Variants in SHISA6 observed in about 807,000 individuals in gnomAD.
The protein encoded by SHISA6 is protein shisa-6.
A neutral mutation model predicts 47.9 loss-of-function variants in SHISA6; 22 were observed. The observed-to-expected ratio is 0.46, with a 90% CI of 0.33 to 0.66. The LOEUF (loss-of-function observed/expected upper bound fraction) is 0.66, where lower values mean the gene tolerates loss of function less well. SHISA6 is among the 30% of genes least tolerant of loss of function. The probability of loss-of-function intolerance (pLI) is 0.02; values close to 1 mark genes in which losing one functional copy is unlikely to be tolerated. For synonymous variants in SHISA6, 388 were observed against 337.8 expected, an observed-to-expected ratio of 1.15 and a Z score of -1.63; for missense variants, 680 against 764.6, an observed-to-expected ratio of 0.89 and a Z score of 1.30.
At chr17:11,442,445 A>T (rs1014636897) in intron 3 of SHISA6, among the ~76,000 whole-genome samples, 3 of 152,138 alleles carry the variant, frequency 2.0e-5, no homozygotes, top group African/African-American at 7.2e-5. Context: ...CAGAGAAAGC[A>T]CTGTGCTATG....
intron 1 of SHISA6, among the ~76,000 whole-genome samples, chr17:11,255,684 G>A (rs1907979995): frequency 6.6e-6 from 1 of 152,092 alleles, no homozygotes; most frequent in Admixed American, 6.5e-5. Context: ...GGAAATATGG[G>A]GCGTGGATGG....
rs149271322 is a variant in SHISA6 at position 11,259,106 on chromosome 17, A to G, written c.639-4260A>G. On this transcript the variant is annotated intron_variant, in intron 1 of 5. Transcript: ENST00000441885. ...TTGGGGGAGATGGATATAATTTTGGATAGATAGGAGGTGACTGGATGGTTG... is the reference window on the plus strand; with the variant it reads ...TTGGGGGAGATGGATATAATTTTGGGTAGATAGGAGGTGACTGGATGGTTG... 2.0e-3 allele frequency among the ~76,000 whole-genome samples: 308 copies of G among 151,730 alleles called. 2 individuals carry two copies. The highest frequency in any genetic ancestry group is 5.2e-4 in the Non-Finnish European group (35 of 67,900).
chr17:11,395,513 CTTTTTTTTTTTTT>C (rs886287303), intron 3 of SHISA6, among the ~76,000 whole-genome samples: 1 of 117,412 alleles, frequency 8.5e-6, no homozygotes, highest in Non-Finnish European at 1.8e-5. Flanking sequence ...GGCAGTTTTA[CTTTTTTTTTTTTT>C]TTTTTTTTGA....
chr17:11,466,328 A>G (rs1446936683), intron 3 of SHISA6, among the ~76,000 whole-genome samples: 3 of 152,140 alleles, frequency 2.0e-5, no homozygotes, highest in Non-Finnish European at 4.4e-5. Context: ...GTCAGGAAGG[A>G]ATACAAGGAT....
intron 3 of SHISA6, among the ~76,000 whole-genome samples, chr17:11,469,861 C>A (rs1416685847): frequency 2.0e-5 from 3 of 152,186 alleles, no homozygotes; most frequent in African/African-American, 7.2e-5. Context: ...CCAGAAAATT[C>A]ATGTTGAAGC....
At chr17:11,298,209 G>A (rs145449782) in intron 2 of SHISA6, among the ~76,000 whole-genome samples, 21 of 152,284 alleles carry the variant, frequency 1.4e-4, no homozygotes, top group African/African-American at 4.6e-4. Flanking sequence ...GAACCTGAGC[G>A]TCTTCATTCC....
Position 11,559,983 on chromosome 17 carries a change from C to G in SHISA6, c.*1679C>G, listed in dbSNP as rs2142394831. 1 of 152,396 alleles carries G rather than the reference C, an allele frequency of 6.6e-6. No individual in the cohort carries two copies. The highest frequency in any genetic ancestry group is 1.9e-4 in the East Asian group (1 of 5,180). The allele number at this position is 152,396 out of a possible 1,614,324, so 9.4% of individuals were successfully genotyped here. ...TTGGGTGAAGGTGTGATCCTAAAAA[C>G]AGTCAGATCCAACAGCAGTGCCCTT... On this transcript the variant is annotated 3_prime_UTR_variant, in exon 6 of 6. Transcript: ENST00000441885. The surrounding 1 kb of genome is among the most constrained non-coding windows in gnomAD (Gnocchi z 4.4).
Position 11,263,489 on chromosome 17 carries a change from C to T in SHISA6, c.762C>T (p.Asn254=), listed in dbSNP as rs1280006623. 6.4e-7 allele frequency: 1 copy of T among 1,551,708 alleles called. No individual in the cohort carries two copies. Among genetic ancestry groups the T allele is most frequent in the Non-Finnish European group, 8.7e-7 (1 of 1,147,000 alleles). Reference sequence around the variant, plus strand: ...CGCCGGTCAGATCGTCCTCCAAAAACCACTACACTCCTGTGCGTACGGCCA... The same window carrying T: ...CGCCGGTCAGATCGTCCTCCAAAAATCACTACACTCCTGTGCGTACGGCCA... The part of the protein sequence containing the change: ...ENTPVRSSSK[N]HYTPVRTAKQ... The change falls in exon 2 of 6, where the codon AAC becomes AAT. Residue 254 remains asparagine (N), a synonymous_variant. Coordinates refer to ENST00000441885, the MANE Select transcript of SHISA6 (RefSeq NM_207386.4).
At chr17:11,501,078 C>T (rs1196035015) in intron 3 of SHISA6, among the ~76,000 whole-genome samples, 1 of 151,260 alleles carries the variant, frequency 6.6e-6, no homozygotes, top group Non-Finnish European at 1.5e-5. Flanking sequence ...CTTCAGAGGC[C>T]AGGTGCTTAA....
intron 3 of SHISA6, among the ~76,000 whole-genome samples, chr17:11,530,915 G>A (rs186305415): frequency 1.1e-3 from 164 of 152,284 alleles, no homozygotes; most frequent in Non-Finnish European, 1.9e-3. Flanking sequence ...ACGGCAAATG[G>A]TGAACTTCTT....
intron 2 of SHISA6, among the ~76,000 whole-genome samples, chr17:11,309,361 T>C (rs919390889): frequency 3.9e-5 from 6 of 152,204 alleles, no homozygotes; most frequent in African/African-American, 1.4e-4. Context: ...TGCAGCTTGT[T>C]TTCTGTAATA....
chr17:11,278,847 A>G (rs1437998709), intron 2 of SHISA6, among the ~76,000 whole-genome samples: 1 of 152,180 alleles, frequency 6.6e-6, no homozygotes, highest in Non-Finnish European at 1.5e-5. Flanking sequence ...CTTTCCCCAT[A>G]AGAATTAGAT....
chr17:11,488,141 C>A (rs944548971), intron 3 of SHISA6, among the ~76,000 whole-genome samples: 3 of 152,014 alleles, frequency 2.0e-5, no homozygotes, highest in African/African-American at 7.3e-5. Flanking sequence ...CCCTGTGAGC[C>A]CTCAGCTGTC....
At chr17:11,396,693 G>A in intron 3 of SHISA6, among the ~76,000 whole-genome samples, 1 of 152,138 alleles carries the variant, frequency 6.6e-6, no homozygotes. Flanking sequence ...GCTGAACAAT[G>A]AGAACACATG....
At chr17:11,388,790 T>TTATATATATATATATATA (rs56048344) in intron 3 of SHISA6, among the ~76,000 whole-genome samples, 1 of 50,020 alleles carries the variant, frequency 2.0e-5, no homozygotes, top group South Asian at 7.9e-4. Context: ...AAACAAAAGT[T>TTATATATATATATATATA]TATATATATA....
At chr17:11,277,227 TC>T (rs1908934000) in intron 2 of SHISA6, among the ~76,000 whole-genome samples, 1 of 114,614 alleles carries the variant, frequency 8.7e-6, no homozygotes, top group Admixed American at 9.0e-5. Flanking sequence ...TCCCTCCCCA[TC>T]CCCGGTTTCT....
chr17:11,400,264 C>T (rs916725809), intron 3 of SHISA6, among the ~76,000 whole-genome samples: 11 of 152,160 alleles, frequency 7.2e-5, no homozygotes, highest in East Asian at 3.9e-4. Flanking sequence ...GAGAAACTGA[C>T]GTTCGTTTTC....
intron 3 of SHISA6, among the ~76,000 whole-genome samples, chr17:11,477,459 T>G (rs1365857863): frequency 6.6e-6 from 1 of 152,162 alleles, no homozygotes; most frequent in Non-Finnish European, 1.5e-5. Flanking sequence ...AGGGTACATG[T>G]GCACATTGTG....
At chr17:11,375,975 G>A (rs1912784324) in intron 2 of SHISA6, among the ~76,000 whole-genome samples, 1 of 152,164 alleles carries the variant, frequency 6.6e-6, no homozygotes, top group South Asian at 2.1e-4. Flanking sequence ...TGTGGACTGT[G>A]TGTCTGTCCG....
Sources: gnomAD v4.1 joint callset for allele counts (sites outside exome capture counted in the v4.1 genomes callset) on GRCh38, gnomAD v4.1.1 for gene constraint, Gnocchi (gnomAD v3.1) non-coding constraint, MANE v1.5 for transcripts, NCBI Gene and HGNC (gene_info 2026-07-23, HGNC 2026-07-21) for gene names.